Variants in CCDC171 observed in about 807,000 individuals in gnomAD.
CCDC171 encodes the protein coiled-coil domain containing 171.
In CCDC171, 177 loss-of-function variants were observed where a neutral mutation model predicts 168.2. That is an observed-to-expected ratio of 1.05 (90% CI 0.93 to 1.19). The LOEUF (loss-of-function observed/expected upper bound fraction) is 1.19, where lower values mean the gene tolerates loss of function less well. Ranked by LOEUF, CCDC171 falls within the 50% of genes most tolerant of loss-of-function variation. The pLI is 0.00. For synonymous variants in CCDC171, 687 were observed against 540.8 expected (o/e 1.27, Z -3.75); for missense variants, 1,991 against 1,539.0 (o/e 1.29, Z -4.91).
chr9:15,977,856 G>T (rs1209292949), downstream of CCDC171, among the ~76,000 whole-genome samples: 3 of 152,252 alleles, frequency 2.0e-5, no homozygotes, highest in Non-Finnish European at 2.9e-5. Flanking sequence ...TGTGTTTTGG[G>T]TGTCTATATA....
chr9:16,054,627 G>A (rs1158072018), intron 1 of CCDC171, among the ~76,000 whole-genome samples: 1 of 152,186 alleles, frequency 6.6e-6, no homozygotes, highest in Non-Finnish European at 1.5e-5. Flanking sequence ...ACTTAACATG[G>A]AAACTGCCGG....
intron 18 of CCDC171, among the ~76,000 whole-genome samples, chr9:15,758,743 C>G (rs1172177619): frequency 6.6e-6 from 1 of 152,118 alleles, no homozygotes. Context: ...TAGTTTCCCT[C>G]TTACTGTTCT....
At chr9:16,007,688 A>C (rs1168856674) in intron 3 of CCDC171, among the ~76,000 whole-genome samples, 2 of 152,202 alleles carry the variant, frequency 1.3e-5, no homozygotes, top group Non-Finnish European at 2.9e-5. Flanking sequence ...ATTAATAGGG[A>C]ATCCTTTCCC....
intron 7 of CCDC171, among the ~76,000 whole-genome samples, chr9:15,625,385 C>T (rs1044641667): frequency 6.6e-6 from 1 of 152,116 alleles, no homozygotes; most frequent in East Asian, 1.9e-4. Context: ...TTATGAAGTC[C>T]TTCCCCATGC....
At chr9:16,020,049 A>G (rs1833120442) in intron 3 of CCDC171, among the ~76,000 whole-genome samples, 1 of 152,214 alleles carries the variant, frequency 6.6e-6, no homozygotes, top group South Asian at 2.1e-4. Context: ...CTTGAGTAGT[A>G]CTGACCTCTC....
intron 1 of CCDC171, among the ~76,000 whole-genome samples, chr9:15,554,616 TTGGTTGTCTCAG>T (rs2132360150): frequency 6.6e-6 from 1 of 152,256 alleles, no homozygotes; most frequent in African/African-American, 2.4e-5. Context: ...CTAAAACGTT[TTGGTTGTCTCAG>T]TCCCTTGGTC....
intron 3 of CCDC171, among the ~76,000 whole-genome samples, chr9:15,983,251 C>G (rs1017456833): frequency 1.3e-5 from 2 of 152,028 alleles, no homozygotes; most frequent in Non-Finnish European, 2.9e-5. Flanking sequence ...TTCTCTATCC[C>G]TTGATGAAAT....
At chr9:15,945,505 AAGTGT>A (rs1828246192) in intron 25 of CCDC171, among the ~76,000 whole-genome samples, 1 of 149,620 alleles carries the variant, frequency 6.7e-6, no homozygotes, top group Non-Finnish European at 1.5e-5. Context: ...AACAGTGTAA[AAGTGT>A]TCCTATTTCT....
At chr9:15,587,549 T>A (rs1221633574) in intron 4 of CCDC171, 2 of 441,482 alleles carry the variant, frequency 4.5e-6, no homozygotes, top group Non-Finnish European at 9.1e-6. Flanking sequence ...TATGTCTTTA[T>A]CCAAAAAAAC....
chr9:16,050,398 T>C (rs1017425113), intron 1 of CCDC171, among the ~76,000 whole-genome samples: 33 of 152,328 alleles, frequency 2.2e-4, no homozygotes, highest in African/African-American at 7.7e-4. Flanking sequence ...CCATAATCAC[T>C]GTCCAAATAC....
chr9:15,782,114 G>A (rs2057697524), intron 20 of CCDC171, among the ~76,000 whole-genome samples: 1 of 152,184 alleles, frequency 6.6e-6, no homozygotes, highest in East Asian at 1.9e-4. Flanking sequence ...GAAAATTGGA[G>A]AGAGTGCCTG....
chr9:15,644,210 T>C (rs1323707513), intron 7 of CCDC171, among the ~76,000 whole-genome samples: 1 of 152,212 alleles, frequency 6.6e-6, no homozygotes, highest in Admixed American at 6.5e-5. Context: ...GTTTCTAGTT[T>C]TTCCAATTTT....
chr9:15,662,119 A>G (rs1184496311), intron 8 of CCDC171, among the ~76,000 whole-genome samples: 2 of 152,164 alleles, frequency 1.3e-5, no homozygotes, highest in East Asian at 3.9e-4. Flanking sequence ...TCTGCTAAAA[A>G]TACAAAAGTT....
At chr9:16,030,507 G>T (rs1026074945) in intron 6 of CCDC171, among the ~76,000 whole-genome samples, 1 of 152,192 alleles carries the variant, frequency 6.6e-6, no homozygotes, top group African/African-American at 2.4e-5. Context: ...ACTAGAAAAA[G>T]AATGTGTTGA....
At chr9:15,837,480 C>T (rs544180170) in intron 21 of CCDC171, among the ~76,000 whole-genome samples, 1 of 152,066 alleles carries the variant, frequency 6.6e-6, no homozygotes, top group African/African-American at 2.4e-5. Context: ...TTGAAGAAAA[C>T]CTATAAAATG....
intron 7 of CCDC171, among the ~76,000 whole-genome samples, chr9:15,630,513 A>C (rs1322564812): frequency 5.3e-5 from 8 of 152,274 alleles, no homozygotes; most frequent in South Asian, 4.2e-4. Context: ...CAGGAGCACG[A>C]AGATTCATAA....
At chr9:15,731,230 A>G (rs1231444002) in intron 16 of CCDC171, among the ~76,000 whole-genome samples, 1 of 151,906 alleles carries the variant, frequency 6.6e-6, no homozygotes, top group East Asian at 1.9e-4. Flanking sequence ...TCCTCCCCCA[A>G]CACACCCTTC....
intron 10 of CCDC171, among the ~76,000 whole-genome samples, chr9:15,681,478 T>C (rs1359529023): frequency 2.0e-5 from 3 of 152,116 alleles, no homozygotes; most frequent in Non-Finnish European, 4.4e-5. Context: ...CTTTTTCTGT[T>C]TTATGCTTAT....
At position 15,678,744 on chromosome 9, in the gene CCDC171, C is replaced by T. The variant is rs996158614; in HGVS notation, c.1077-14C>T. ...CATGTTTGAAAAACCTGCTCTGACA[C>T]TTTAACTTTTCAGATTAGAAAAAGA... On this transcript the variant is annotated splice_polypyrimidine_tract_variant and intron_variant, in intron 9 of 25. Transcript: ENST00000380701. 1.3e-6 allele frequency: 2 copies of T among 1,575,096 alleles called. No individual in the cohort carries two copies. Among genetic ancestry groups the T allele is most frequent in the Non-Finnish European group, 1.7e-6 (2 of 1,168,358 alleles).
Sources: allele counts gnomAD v4.1 joint callset (sites outside exome capture counted in the v4.1 genomes callset), GRCh38; gene constraint gnomAD v4.1.1; transcripts MANE v1.5; gene names NCBI Gene and HGNC (gene_info 2026-07-23, HGNC 2026-07-21).